The following DDC variants were observed in gnomAD, a reference collection of about 807,000 sequenced individuals.
DDC encodes the protein dopa decarboxylase.
Under a neutral mutation model 60.0 loss-of-function variants are expected in DDC, and 43 were observed. That is an observed-to-expected ratio of 0.72 (90% CI 0.56 to 0.92). The LOEUF (loss-of-function observed/expected upper bound fraction) is 0.92. Ranked by LOEUF, DDC falls within the 40% of genes least tolerant of loss-of-function variation. The pLI is 0.00. For missense variants in DDC, 573 were observed against 620.2 expected, an observed-to-expected ratio of 0.92 and a Z score of 0.81; for synonymous variants, 232 against 234.6, an observed-to-expected ratio of 0.99 and a Z score of 0.10.
Position 50,467,284 on chromosome 7 carries a change from A to G in DDC, c.1172T>C (p.Leu391Pro). 1 of 1,614,230 alleles carries G rather than the reference A, an allele frequency of 6.2e-7. No individual in the cohort carries two copies. The highest frequency in any genetic ancestry group is 8.5e-7 in the Non-Finnish European group (1 of 1,180,016). The change falls in exon 13 of 15, where the codon CTG (leucine) becomes CCG (proline). Residue 391 changes from leucine (L) to proline (P), a missense_variant. Physicochemically the swap from Leu to Pro is moderately conservative, Grantham distance 98 (BLOSUM62 -3). Transcript: ENST00000444124. ...HVQLSHEFES[L>P]VRQDPRFEIC... ...TTCAAAGCGGGGATCCTGGCGCACC[A>G]GTGACTCAAACTCATGGGACAGCTG... is the stretch of plus-strand genomic sequence containing the variant.
At chr7:50,460,304 T>C (rs375076936) in intron 14 of DDC, among the ~76,000 whole-genome samples, 7,366 of 137,564 alleles carry the variant, frequency 0.054, 285 homozygotes, top group South Asian at 0.12. Flanking sequence ...CGGCCGCCCC[T>C]ACTGGGAAGT....
chr7:50,493,980 A>G (rs889818402), intron 9 of DDC, among the ~76,000 whole-genome samples: 5 of 152,224 alleles, frequency 3.3e-5, no homozygotes, highest in African/African-American at 9.6e-5. Context: ...GAATATTTGG[A>G]AAATTTTGCA....
At chr7:50,554,393 A>G (rs1450513199) in intron 1 of DDC, among the ~76,000 whole-genome samples, 3 of 150,154 alleles carry the variant, frequency 2.0e-5, no homozygotes, top group African/African-American at 2.4e-5. Context: ...GTGAAAGTCT[A>G]TTAATTTTCT....
At chr7:50,465,359 T>G (rs2042370767) in intron 13 of DDC, among the ~76,000 whole-genome samples, 1 of 152,182 alleles carries the variant, frequency 6.6e-6, no homozygotes, top group Non-Finnish European at 1.5e-5. Context: ...GTAGATATAC[T>G]AAAAATACTC....
chr7:50,493,017 A>C (rs1476999607), intron 9 of DDC: 1 of 1,590,652 alleles, frequency 6.3e-7, no homozygotes, highest in South Asian at 1.1e-5. Flanking sequence ...TGAGGGCAGG[A>C]CGCCGCATTC....
intron 2 of DDC, among the ~76,000 whole-genome samples, chr7:50,540,566 C>T (rs774196814): frequency 5.9e-5 from 9 of 152,194 alleles, no homozygotes; most frequent in Non-Finnish European, 1.0e-4. Context: ...CTGGTCTTCC[C>T]GCTGCCCCTG....
intron 14 of DDC, among the ~76,000 whole-genome samples, chr7:50,461,891 G>GA (rs1449648445): frequency 6.6e-6 from 1 of 152,262 alleles, no homozygotes; most frequent in East Asian, 1.9e-4. Context: ...TTGCACCAGG[G>GA]AAAGGACCTG....
chr7:50,512,547 G>A (rs1242080303), intron 6 of DDC, among the ~76,000 whole-genome samples: 1 of 152,160 alleles, frequency 6.6e-6, no homozygotes, highest in Non-Finnish European at 1.5e-5. Flanking sequence ...CAGGCCCATG[G>A]CACATAGCTG....
At chr7:50,477,727 A>G in intron 10 of DDC, 1 of 327,310 alleles carries the variant, frequency 3.1e-6, no homozygotes, top group Non-Finnish European at 6.0e-6. Context: ...TGGAAGCCCA[A>G]AGTCATACAG....
At chr7:50,525,878 G>A (rs1388445922) in intron 6 of DDC, among the ~76,000 whole-genome samples, 1 of 151,800 alleles carries the variant, frequency 6.6e-6, no homozygotes, top group East Asian at 1.9e-4. Flanking sequence ...TTGTAAATAA[G>A]TTGATGAAGC....
At chr7:50,537,054 T>A (rs1386144257) in intron 4 of DDC, among the ~76,000 whole-genome samples, 1 of 119,142 alleles carries the variant, frequency 8.4e-6, no homozygotes, top group Admixed American at 8.3e-5. Context: ...TTTTTTTTTT[T>A]TAATGCATCA....
intron 12 of DDC, among the ~76,000 whole-genome samples, chr7:50,469,039 A>C (rs944950626): frequency 6.7e-6 from 1 of 149,586 alleles, no homozygotes; most frequent in Non-Finnish European, 1.5e-5. Flanking sequence ...TCCCAGGTTC[A>C]AGTGATTCTT....
intron 1 of DDC, among the ~76,000 whole-genome samples, chr7:50,555,023 C>G (rs1468073240): frequency 1.3e-5 from 2 of 152,086 alleles, no homozygotes; most frequent in African/African-American, 4.8e-5. Context: ...ACCTCTATGG[C>G]CAATATGATG....
chr7:50,480,330 A>G (rs1189683096), intron 9 of DDC, among the ~76,000 whole-genome samples: 1 of 152,212 alleles, frequency 6.6e-6, no homozygotes, highest in Non-Finnish European at 1.5e-5. Flanking sequence ...ATACACAGAG[A>G]GGGCATGGAA....
chr7:50,478,477 A>G (rs148735070), intron 10 of DDC, among the ~76,000 whole-genome samples: 460 of 152,338 alleles, frequency 3.0e-3, no homozygotes, highest in Admixed American at 6.9e-3. Flanking sequence ...AATTTCCCTC[A>G]TTGCAGAAAC....
chr7:50,477,922 C>T (rs1562988801), intron 10 of DDC, among the ~76,000 whole-genome samples: 1 of 152,090 alleles, frequency 6.6e-6, no homozygotes, highest in African/African-American at 2.4e-5. Context: ...ATTGTCGACG[C>T]CAGGCGTGGT....
intron 2 of DDC, 88 bp downstream of exon 2, chr7:50,543,797 T>C (rs999151630): frequency 4.5e-6 from 6 of 1,323,922 alleles, no homozygotes; most frequent in African/African-American, 1.4e-5. Flanking sequence ...AGGGATTCCT[T>C]GAAACAAAGT....
intron 6 of DDC, among the ~76,000 whole-genome samples, chr7:50,517,753 C>G (rs1230201976): frequency 6.9e-6 from 1 of 144,976 alleles, no homozygotes; most frequent in Non-Finnish European, 1.5e-5. Flanking sequence ...TTAATGTACA[C>G]AAGTCAGTAG....
intron 1 of DDC, among the ~76,000 whole-genome samples, chr7:50,558,479 C>A (rs1291176217): frequency 6.6e-6 from 1 of 152,136 alleles, no homozygotes; most frequent in African/African-American, 2.4e-5. Context: ...TGCCCCCCTC[C>A]AAGAAAAAAT....
Sources: allele counts gnomAD v4.1 joint callset (sites outside exome capture counted in the v4.1 genomes callset), GRCh38; gene constraint gnomAD v4.1.1; transcripts MANE v1.5; gene names NCBI Gene and HGNC (gene_info 2026-07-23, HGNC 2026-07-21).